The following SEMA3D variants were observed in gnomAD, a reference collection of about 807,000 sequenced individuals.
SEMA3D encodes semaphorin-3D.
Under a neutral mutation model 100.1 loss-of-function variants are expected in SEMA3D, and 84 were observed. That is an observed-to-expected ratio of 0.84 (90% confidence interval 0.70 to 1.01). The LOEUF (loss-of-function observed/expected upper bound fraction) is 1.01. Ranked by LOEUF, SEMA3D falls within the 50% of genes least tolerant of loss-of-function variation. The pLI, the probability that SEMA3D is intolerant of heterozygous loss-of-function variation, is 0.00. For synonymous variants in SEMA3D, 312 were observed against 320.7 expected, an observed-to-expected ratio of 0.97 and a Z score of 0.29; for missense variants, 875 against 934.1, an observed-to-expected ratio of 0.94 and a Z score of 0.82.
chr7:85,134,540 A>T (rs183828802), intron 2 of SEMA3D, among the ~76,000 whole-genome samples: 95 of 152,138 alleles, frequency 6.2e-4, no homozygotes, highest in African/African-American at 2.2e-3. Context: ...TAAATCTTGC[A>T]AGATTTTCAT....
At chr7:85,142,384 A>G in intron 2 of SEMA3D, 2 of 902,846 alleles carry the variant, frequency 2.2e-6, no homozygotes, top group Non-Finnish European at 2.6e-6. Flanking sequence ...CTAGACATGA[A>G]ATTATAACCT....
At chr7:85,013,814 A>G (rs942584656) in intron 16 of SEMA3D, among the ~76,000 whole-genome samples, 2 of 151,776 alleles carry the variant, frequency 1.3e-5, no homozygotes, top group Non-Finnish European at 2.9e-5. Flanking sequence ...TTATGATGGT[A>G]TAAGGTACAT....
At chr7:85,183,302 C>A (rs1458679894) in intron 1 of SEMA3D, among the ~76,000 whole-genome samples, 1 of 152,112 alleles carries the variant, frequency 6.6e-6, no homozygotes, top group Non-Finnish European at 1.5e-5. Flanking sequence ...GGATTGAGAG[C>A]ACAGTATGAA....
At chr7:85,216,764 C>T in the SEMA3D span, among the ~76,000 whole-genome samples, 1 of 151,782 alleles carries the variant, frequency 6.6e-6, no homozygotes, top group Non-Finnish European at 1.5e-5. Context: ...TTTACAATGT[C>T]TATGAAATTT....
At chr7:85,020,774 G>A (rs1790233147) in intron 13 of SEMA3D, among the ~76,000 whole-genome samples, 1 of 151,318 alleles carries the variant, frequency 6.6e-6, no homozygotes, top group African/African-American at 2.4e-5. Flanking sequence ...TTTTAATAAT[G>A]TTGTCAAATG....
At chr7:85,171,092 G>A (rs552836611) in intron 1 of SEMA3D, among the ~76,000 whole-genome samples, 28 of 152,056 alleles carry the variant, frequency 1.8e-4, no homozygotes, top group African/African-American at 6.3e-4. Context: ...TGACTCAAAA[G>A]TGAGCTTCCT....
chr7:85,120,170 T>G (rs1789368220), intron 3 of SEMA3D, among the ~76,000 whole-genome samples: 1 of 152,042 alleles, frequency 6.6e-6, no homozygotes, highest in African/African-American at 2.4e-5. Context: ...GTTTATCTAG[T>G]TGAAGAGTTG....
At chr7:85,043,196 A>G (rs1166553110) in intron 9 of SEMA3D, among the ~76,000 whole-genome samples, 1 of 152,042 alleles carries the variant, frequency 6.6e-6, no homozygotes, top group East Asian at 1.9e-4. Context: ...CATCTCTACA[A>G]AAATTTTAAA....
chr7:85,141,839 G>C, intron 2 of SEMA3D: 1 of 826,838 alleles, frequency 1.2e-6, no homozygotes, highest in Non-Finnish European at 1.5e-6. Flanking sequence ...GCCACACACA[G>C]AATAAACAAG....
intron 2 of SEMA3D, chr7:85,144,441 A>T (rs1438524441): frequency 3.1e-6 from 3 of 977,614 alleles, no homozygotes; most frequent in East Asian, 1.1e-4. Flanking sequence ...CACACACTTC[A>T]TCCTCTTCCC....
chr7:85,193,038 GAGCTT>G, the SEMA3D span, among the ~76,000 whole-genome samples: 1 of 152,096 alleles, frequency 6.6e-6, no homozygotes, highest in Non-Finnish European at 1.5e-5. Context: ...AGCATGTAAG[GAGCTT>G]AGCGGCCAGC....
At chr7:85,212,764 G>C in the SEMA3D span, among the ~76,000 whole-genome samples, 1 of 151,836 alleles carries the variant, frequency 6.6e-6, no homozygotes, top group Non-Finnish European at 1.5e-5. Flanking sequence ...ATTTATATTA[G>C]TGTCTTCAAA....
intron 12 of SEMA3D, chr7:85,029,373 GA>G: frequency 1.6e-6 from 2 of 1,249,780 alleles, no homozygotes; most frequent in South Asian, 2.4e-5. Flanking sequence ...TGTCATCCAA[GA>G]ATTCACTTGA....
rs552211650 is a variant in SEMA3D, at chr7:85,063,259, A to C, written c.718+2165T>G. Among the ~76,000 whole-genome samples, 5 of 152,312 alleles carry C rather than the reference A, an allele frequency of 3.3e-5. No individual in the cohort carries two copies. In the East Asian group the frequency reaches 5.8e-4, roughly 18 times the overall value. ...GTTCCACAGAATCAATTTTAGTCTAAACAGGGACACTTTTAAGAGTAAAAG... is the reference window on the plus strand; with the variant it reads ...GTTCCACAGAATCAATTTTAGTCTACACAGGGACACTTTTAAGAGTAAAAG... On this transcript the variant is annotated intron_variant, in intron 8 of 18. Transcript: ENST00000284136.
chr7:85,134,366 G>T (rs1343858581), intron 2 of SEMA3D, among the ~76,000 whole-genome samples: 1 of 151,818 alleles, frequency 6.6e-6, no homozygotes, highest in Non-Finnish European at 1.5e-5. Flanking sequence ...ATTTTTGAAG[G>T]CTTATTTGGA....
intron 2 of SEMA3D, among the ~76,000 whole-genome samples, chr7:85,126,482 A>C (rs559991089): frequency 6.6e-6 from 1 of 151,454 alleles, no homozygotes; most frequent in African/African-American, 2.4e-5. Flanking sequence ...TTTTAATTTT[A>C]TAAAGAGCTC....
chr7:85,078,102 A>T (rs796204177), intron 5 of SEMA3D, among the ~76,000 whole-genome samples: 53 of 152,318 alleles, frequency 3.5e-4, no homozygotes, highest in African/African-American at 1.2e-3. Flanking sequence ...TTCATACTGA[A>T]AATTAGTAAA....
At chr7:85,124,922 C>CA (rs1789522490) in intron 2 of SEMA3D, among the ~76,000 whole-genome samples, 1 of 152,048 alleles carries the variant, frequency 6.6e-6, no homozygotes, top group South Asian at 2.1e-4. Flanking sequence ...TGTGCTGTTC[C>CA]ACCCACATTC....
At position 85,017,248 on chromosome 7, in the gene SEMA3D, G is replaced by C. The variant is rs1242219102; in HGVS notation, c.1545+1004C>G. On this transcript the variant is annotated intron_variant, in intron 15 of 18. Coordinates refer to ENST00000284136, the MANE Select transcript of SEMA3D (RefSeq NM_001384900.1). ...TCTCTTCTTTCAGTTATCTTTCCCT[G>C]TTCCTTCTGGCTCCCTTTAGGCCAC... Among the ~76,000 whole-genome samples, 5 of 151,532 alleles carry C rather than the reference G, an allele frequency of 3.3e-5. No individual in the cohort carries two copies. In the South Asian group the frequency reaches 1.0e-3, roughly 31 times the overall value.
Sources: gnomAD v4.1 joint callset for allele counts (sites outside exome capture counted in the v4.1 genomes callset) on GRCh38, gnomAD v4.1.1 for gene constraint, MANE v1.5 for transcripts, NCBI Gene and HGNC (gene_info 2026-07-23, HGNC 2026-07-21) for gene names.